SAMM50: variants seen among roughly 807,000 people sequenced by gnomAD.
SAMM50 encodes sorting and assembly machinery component 50 homolog.
SAMM50 carries 47 observed loss-of-function variants against 66.9 expected under a neutral mutation model. The ratio of observed to expected loss-of-function variants is 0.70; its 90% CI spans 0.56 to 0.90. The LOEUF (loss-of-function observed/expected upper bound fraction) is 0.90. Among genes scored for constraint, SAMM50 ranks in the 40% least tolerant of loss-of-function variants. SAMM50 has a pLI of 0.00. For synonymous variants in SAMM50, 191 were observed against 214.1 expected (o/e 0.89, Z 0.94); for missense variants, 535 against 595.3 (o/e 0.90, Z 1.05).
intron 9 of SAMM50, among the ~76,000 whole-genome samples, chr22:43,977,534 T>G (rs2050239043): frequency 6.6e-6 from 1 of 152,140 alleles, no homozygotes; most frequent in Admixed American, 6.5e-5. Flanking sequence ...ATAGCCCACA[T>G]TGTGAAAGGT....
intron 14 of SAMM50, among the ~76,000 whole-genome samples, chr22:43,992,235 G>A (rs1433857516): frequency 2.0e-5 from 3 of 152,336 alleles, no homozygotes; most frequent in African/African-American, 7.2e-5. Context: ...AAGGGGAGCC[G>A]CATTCGCAAG....
At position 43,983,990 on chromosome 22, in the gene SAMM50, A is replaced by C; in HGVS notation, c.1065A>C (p.Pro355=). The change falls in exon 12 of 15, where the codon CCA becomes CCC. Residue 355 remains proline (P), a synonymous_variant. Transcript: ENST00000350028. This position sits in a 1 kb window ranked among gnomAD's most constrained non-coding sequence, Gnocchi z 4.2. Reference sequence around the variant, plus strand: ...GATTCAGCATGCACAGCATCGGGCCACAGAGCGAAGGTCTGTCCTTTCCCC... The same window carrying C: ...GATTCAGCATGCACAGCATCGGGCCCCAGAGCGAAGGTCTGTCCTTTCCCC... The part of the protein sequence containing the change: ...IRGFSMHSIG[P]QSEGDYLGGE... 1 of 1,611,676 alleles carries C rather than the reference A, an allele frequency of 6.2e-7. No homozygotes were observed. Among genetic ancestry groups the C allele is most frequent in the Admixed American group, 1.7e-5 (1 of 59,678 alleles).
intron 12 of SAMM50, among the ~76,000 whole-genome samples, chr22:43,985,790 G>A (rs1186875890): frequency 2.0e-5 from 3 of 151,946 alleles, no homozygotes; most frequent in Admixed American, 2.0e-4. Flanking sequence ...GCTGCCAGGC[G>A]AGCTTCCGGG....
intron 1 of SAMM50, 89 bp downstream of exon 1, chr22:43,955,687 C>T (rs1044913533): frequency 7.8e-6 from 11 of 1,403,600 alleles, no homozygotes; most frequent in African/African-American, 1.4e-5. Context: ...TGGCTGCGCC[C>T]AGGGTTCACC....
At chr22:43,992,967 C>A (rs2050333102) in intron 14 of SAMM50, among the ~76,000 whole-genome samples, 1 of 152,240 alleles carries the variant, frequency 6.6e-6, no homozygotes, top group Admixed American at 6.5e-5. Flanking sequence ...GAGACTGCAT[C>A]AGATAACTCC....
intron 12 of SAMM50, among the ~76,000 whole-genome samples, chr22:43,985,291 C>T (rs1302326148): frequency 6.6e-6 from 1 of 151,902 alleles, no homozygotes; most frequent in African/African-American, 2.4e-5. Context: ...TGCATGATGT[C>T]CTGCATTCAC....
At chr22:43,980,468 G>A (rs921919522) in intron 10 of SAMM50, among the ~76,000 whole-genome samples, 1 of 151,620 alleles carries the variant, frequency 6.6e-6, no homozygotes, top group African/African-American at 2.4e-5. Context: ...GCACAGCCCA[G>A]AGCACGGTGA....
Position 43,964,519 on chromosome 22 carries a change from T to C in SAMM50, c.200T>C (p.Ile67Thr), listed in dbSNP as rs146079721. 27 of 1,611,220 alleles carry C rather than the reference T, an allele frequency of 1.7e-5. No homozygotes were observed. Among genetic ancestry groups the C allele is most frequent in the Middle Eastern group, 1.6e-4 (1 of 6,074 alleles). Residue 67 changes from isoleucine to threonine, a missense_variant, in exon 3 of 15, where the codon ATT becomes ACT. By Grantham distance (89) the Ile-to-Thr change is moderately conservative. Coordinates refer to ENST00000350028, the MANE Select transcript of SAMM50 (RefSeq NM_015380.5). ...AAAGATGATATCATCATTTGTGAAA[T>C]TGGAGATGTTTTCAAGGCCAAAAAC... ...RTKDDIIICE[I>T]GDVFKAKNLI...
intron 4 of SAMM50, among the ~76,000 whole-genome samples, chr22:43,970,474 C>A (rs2050197634): frequency 6.6e-6 from 1 of 152,174 alleles, no homozygotes; most frequent in Admixed American, 6.5e-5. Context: ...AGGGCTTACC[C>A]CTCCCTTTAA....
chr22:43,996,291 A>G (rs745713065), intron 14 of SAMM50, 47 bp from the exon 15 acceptor site: 5 of 1,605,390 alleles, frequency 3.1e-6, no homozygotes, highest in East Asian at 2.2e-5. Flanking sequence ...TGAAGATGGC[A>G]GGGCTGGCGG....
intron 4 of SAMM50, among the ~76,000 whole-genome samples, chr22:43,971,667 T>C (rs897770017): frequency 2.0e-5 from 3 of 152,218 alleles, no homozygotes; most frequent in Non-Finnish European, 4.4e-5. Flanking sequence ...ATGCTGCTTA[T>C]AGTTATCTCC....
intron 11 of SAMM50, among the ~76,000 whole-genome samples, chr22:43,981,862 G>A (rs1036315597): frequency 2.0e-5 from 3 of 152,112 alleles, no homozygotes; most frequent in African/African-American, 7.2e-5. Flanking sequence ...AGCCTACCGT[G>A]TATTTTTTGA....
chr22:43,981,194 T>A (rs1308419729), intron 10 of SAMM50, among the ~76,000 whole-genome samples, 197 bp from the exon 11 acceptor site: 2 of 152,210 alleles, frequency 1.3e-5, no homozygotes, highest in Admixed American at 6.5e-5. Flanking sequence ...GAATTGCGTG[T>A]TTTAATAGAA....
Position 43,977,915 on chromosome 22 carries a change from A to G in SAMM50, c.893A>G (p.Glu298Gly), listed in dbSNP as rs2050241539. Residue 298 changes from glutamate to glycine, a missense_variant, in exon 10 of 15, where the codon GAA becomes GGA. By Grantham distance (98) the Glu-to-Gly change is moderately conservative. Transcript: ENST00000350028. ...YTGGDVSFIKEDFELQLNKQL... is the reference protein window; with the variant it reads ...YTGGDVSFIKGDFELQLNKQL... The stretch of plus-strand genomic sequence containing the variant: ...GGCGGGGATGTGAGCTTCATCAAAG[A>G]AGATTTTGAACTTCAGTTGAACAAG... 1 of 1,613,492 alleles carries G rather than the reference A, an allele frequency of 6.2e-7. No homozygotes were observed. The highest frequency in any genetic ancestry group is 8.5e-7 in the Non-Finnish European group (1 of 1,179,694).
At chr22:43,955,803 G>A (rs1032342124) in intron 1 of SAMM50, among the ~76,000 whole-genome samples, 33 of 152,268 alleles carry the variant, frequency 2.2e-4, no homozygotes, top group African/African-American at 7.0e-4. Flanking sequence ...TGATAGGAGG[G>A]ACGAGACTTG....
chr22:43,975,865 C>T, intron 7 of SAMM50, 190 bp from the exon 8 acceptor site: 1 of 592,708 alleles, frequency 1.7e-6, no homozygotes, highest in Non-Finnish European at 2.9e-6. Flanking sequence ...TTCCCCCTTT[C>T]TTCCTTTGTC....
intron 14 of SAMM50, among the ~76,000 whole-genome samples, chr22:43,990,689 A>T (rs1214369419): frequency 6.6e-6 from 1 of 151,850 alleles, no homozygotes; most frequent in Non-Finnish European, 1.5e-5. Context: ...GGAGGAATTG[A>T]CAGGTGATTT....
intron 10 of SAMM50, among the ~76,000 whole-genome samples, chr22:43,979,224 A>G (rs1183504067): frequency 6.6e-6 from 1 of 152,076 alleles, no homozygotes; most frequent in Non-Finnish European, 1.5e-5. Context: ...ACAGTCTCCT[A>G]CAGCCCTGTG....
intron 1 of SAMM50, among the ~76,000 whole-genome samples, chr22:43,961,910 T>C (rs2050148731): frequency 6.6e-6 from 1 of 152,126 alleles, no homozygotes; most frequent in South Asian, 2.1e-4. Context: ...TTTACTATTA[T>C]TACTATTTTT....
Sources: allele counts gnomAD v4.1 joint callset (sites outside exome capture counted in the v4.1 genomes callset), GRCh38; gene constraint gnomAD v4.1.1; non-coding constraint Gnocchi (gnomAD v3.1); transcripts MANE v1.5; gene names NCBI Gene and HGNC (gene_info 2026-07-23, HGNC 2026-07-21).